ZNF180: variants seen among roughly 807,000 people sequenced by gnomAD.
ZNF180 encodes the protein zinc finger protein 180.
Under a neutral mutation model 11.8 loss-of-function variants are expected in ZNF180, and 11 were observed. The ratio of observed to expected loss-of-function variants is 0.93; its 90% CI spans 0.59 to 1.55. The LOEUF (loss-of-function observed/expected upper bound fraction) is 1.55, where lower values mean the gene tolerates loss of function less well. Ranked by LOEUF, ZNF180 falls within the 40% of genes most tolerant of loss-of-function variation. The pLI, the probability that ZNF180 is intolerant of heterozygous loss-of-function variation, is 0.00. For synonymous variants in ZNF180, 287 were observed against 257.7 expected, an observed-to-expected ratio of 1.11 and a Z score of -1.09; for missense variants, 773 against 781.7, an observed-to-expected ratio of 0.99 and a Z score of 0.13.
rs1969980372 is a variant in ZNF180, at chr19:44,478,080, G to A, written c.320C>T (p.Ala107Val). The change falls in exon 5 of 5, where the codon GCT (alanine) becomes GTT (valine). Residue 107 changes from alanine (A) to valine (V), a missense_variant. Coordinates refer to ENST00000592529, the MANE Select transcript of ZNF180 (RefSeq NM_001278509.3). The stretch of plus-strand genomic sequence containing the variant: ...AAACCTTTCTATCTTCACTCCATTA[G>A]CTGGTTCTTCATCAAAAATCCTCTG... ...SKQRIFDEEP[A>V]NGVKIERFTR... is the part of the protein sequence containing the mutation. The A allele has an allele frequency of 6.2e-7, 1 of 1,604,384 alleles. No homozygotes were observed. The highest frequency in any genetic ancestry group is 1.3e-5 in the African/African-American group (1 of 74,756).
chr19:44,493,440 A>C (rs946225248), intron 2 of ZNF180, among the ~76,000 whole-genome samples: 1 of 152,154 alleles, frequency 6.6e-6, no homozygotes, highest in African/African-American at 2.4e-5. Context: ...GGCTCCCTTG[A>C]TTTTTCTCTC....
chr19:44,483,995 C>CTTTT (rs66671115), intron 3 of ZNF180, among the ~76,000 whole-genome samples: 19 of 136,830 alleles, frequency 1.4e-4, no homozygotes, highest in Non-Finnish European at 1.5e-4. Context: ...TTCTTTCTTT[C>CTTTT]TTTTTTTTTT....
chr19:44,494,782 A>T (rs1262309577), intron 2 of ZNF180, among the ~76,000 whole-genome samples: 1 of 152,252 alleles, frequency 6.6e-6, no homozygotes, highest in Non-Finnish European at 1.5e-5. Flanking sequence ...TTGCACATGT[A>T]TACATGGAAT....
chr19:44,481,353 T>G (rs1970075272), intron 3 of ZNF180, among the ~76,000 whole-genome samples: 1 of 152,222 alleles, frequency 6.6e-6, no homozygotes, highest in South Asian at 2.1e-4. Context: ...AATGTTTTCA[T>G]GATTAGCCCA....
At chr19:44,481,009 G>A (rs1358419137) in intron 3 of ZNF180, among the ~76,000 whole-genome samples, 1 of 152,168 alleles carries the variant, frequency 6.6e-6, no homozygotes, top group Non-Finnish European at 1.5e-5. Context: ...CTGCATGGCA[G>A]AGCCTTTTAG....
intron 2 of ZNF180, among the ~76,000 whole-genome samples, chr19:44,489,988 AAAAAGC>A (rs1226914230): frequency 5.2e-5 from 6 of 116,384 alleles, no homozygotes; most frequent in East Asian, 3.0e-4. Context: ...AGAAAGAAAG[AAAAAGC>A]AAGAAAGAAA....
intron 4 of ZNF180, 103 bp from the exon 5 acceptor site, chr19:44,478,249 T>C: frequency 7.9e-7 from 1 of 1,259,642 alleles, no homozygotes; most frequent in East Asian, 2.6e-5. Context: ...GAATTTGTTT[T>C]CAAATACTGA....
intron 2 of ZNF180, among the ~76,000 whole-genome samples, chr19:44,490,917 C>T (rs1436683128): frequency 6.6e-6 from 1 of 152,168 alleles, no homozygotes; most frequent in East Asian, 1.9e-4. Flanking sequence ...CCTTCCTTGC[C>T]CTGACCCCAG....
At position 44,500,264 on chromosome 19, in the gene ZNF180, C is replaced by G; in HGVS notation, c.-44+11G>C. On this transcript the variant is annotated intron_variant, in intron 1 of 4. Transcript: ENST00000592529. ...ATCGGACACCAAGCGCTGCCCCACGCCCCTACCAACCTGGGCGTCCGCTGG... is the reference window on the plus strand; with the variant it reads ...ATCGGACACCAAGCGCTGCCCCACGGCCCTACCAACCTGGGCGTCCGCTGG... 1 of 1,613,474 alleles carries G rather than the reference C, an allele frequency of 6.2e-7. No individual in the cohort carries two copies. Among genetic ancestry groups the G allele is most frequent in the Non-Finnish European group, 8.5e-7 (1 of 1,179,954 alleles).
rs773517717 is a variant in ZNF180 at position 44,476,766 on chromosome 19, G to A, written c.1634C>T (p.Thr545Ile). ...SHLVMHQRIHTGEKPYECNQC... is the reference protein window; with the variant it reads ...SHLVMHQRIHIGEKPYECNQC... ...ATTACATTCATACGGTTTTTCCCCA[G>A]TGTGAATTCTCTGATGCATAACAAG... The change falls in exon 5 of 5, where the codon ACT (threonine) becomes ATT (isoleucine). Residue 545 changes from threonine (T) to isoleucine (I), a missense_variant. Physicochemically the swap from Thr to Ile is moderately conservative, Grantham distance 89 (BLOSUM62 -1). Transcript: ENST00000592529. 4 of 1,614,030 alleles carry A rather than the reference G, an allele frequency of 2.5e-6. No individual in the cohort carries two copies. The highest frequency in any genetic ancestry group is 2.7e-5 in the African/African-American group (2 of 74,934).
intron 2 of ZNF180, among the ~76,000 whole-genome samples, chr19:44,493,835 T>C (rs1970510099): frequency 6.6e-6 from 1 of 152,174 alleles, no homozygotes. Context: ...GCCTCTCTGG[T>C]GTACAGCACC....
rs1969847320 is a variant in ZNF180 at position 44,475,724 on chromosome 19, C to G, written c.*678G>C. ...TCCAAAAAGGAAGGCCCAACATAAA[C>G]TGAGAAATTGAATAGATACATCCAT... On this transcript the variant is annotated 3_prime_UTR_variant, in exon 5 of 5. Coordinates refer to ENST00000592529, the MANE Select transcript of ZNF180 (RefSeq NM_001278509.3). 1 of 152,192 alleles carries G rather than the reference C, an allele frequency of 6.6e-6. No homozygotes were observed. Among genetic ancestry groups the G allele is most frequent in the African/African-American group, 2.4e-5 (1 of 41,446 alleles). 9.4% of individuals were successfully genotyped at this position (152,192 alleles called of 1,614,324 possible).
chr19:44,497,249 C>T, intron 2 of ZNF180, 35 bp downstream of exon 2: 1 of 1,532,066 alleles, frequency 6.5e-7, no homozygotes, highest in African/African-American at 1.4e-5. Flanking sequence ...GAGGGTCAGG[C>T]TGCAGACAGA....
intron 2 of ZNF180, among the ~76,000 whole-genome samples, chr19:44,496,172 C>T (rs1287833371): frequency 2.0e-5 from 3 of 151,906 alleles, no homozygotes; most frequent in Non-Finnish European, 4.4e-5. Context: ...GTGGACACCA[C>T]TATCCTGGCT....
chr19:44,497,977 T>C (rs956085952), intron 1 of ZNF180, among the ~76,000 whole-genome samples: 2 of 152,046 alleles, frequency 1.3e-5, no homozygotes, highest in Non-Finnish European at 2.9e-5. Context: ...CCTGCTCAAA[T>C]AGCCAAGCAT....
In ZNF180 at chr19:44,477,268, C is replaced by T. The variant is rs777499069; in HGVS notation, c.1132G>A (p.Gly378Arg). Reference protein sequence around the residue: ...HLVSHQRTHTGEKPYRCNQCG... With the variant: ...HLVSHQRTHTREKPYRCNQCG... ...TGATTACACCTGTAAGGTTTCTCTC[C>T]AGTATGAGTTCTCTGATGGGAAACA... Residue 378 changes from glycine (G) to arginine (R), a missense_variant, in exon 5 of 5, where the codon GGA becomes AGA. Physicochemically the swap from Gly to Arg is moderately radical, Grantham distance 125 (BLOSUM62 -2). Transcript: ENST00000592529. 6 of 1,613,972 alleles carry T rather than the reference C, an allele frequency of 3.7e-6. No homozygotes were observed. In the Admixed American group the frequency reaches 5.0e-5, roughly 13 times the overall value.
intron 2 of ZNF180, chr19:44,485,125 TAC>T (rs1172156002): frequency 2.9e-5 from 4 of 136,286 alleles, no homozygotes; most frequent in African/African-American, 1.2e-4. Flanking sequence ...CATGCCACTG[TAC>T]TCCAGCCTAG....
chr19:44,483,528 A>C (rs1055856179), intron 3 of ZNF180, among the ~76,000 whole-genome samples: 1 of 152,140 alleles, frequency 6.6e-6, no homozygotes, highest in Admixed American at 6.5e-5. Context: ...ATCCTATTAC[A>C]TTTACTGGAG....
intron 2 of ZNF180, 198 bp from the exon 3 acceptor site, chr19:44,484,633 C>G: frequency 1.7e-6 from 1 of 592,792 alleles, no homozygotes; most frequent in Non-Finnish European, 3.1e-6. Flanking sequence ...TGGAGGAGCA[C>G]CAAGGCCCAC....
Sources: gnomAD v4.1 joint callset for allele counts (sites outside exome capture counted in the v4.1 genomes callset) on GRCh38, gnomAD v4.1.1 for gene constraint, MANE v1.5 for transcripts, NCBI Gene and HGNC (gene_info 2026-07-23, HGNC 2026-07-21) for gene names.